ELFN1: variants seen among roughly 807,000 people sequenced by gnomAD.
ELFN1 encodes the protein protein ELFN1.
In ELFN1, 6 loss-of-function variants were observed where a neutral mutation model predicts 7.6. That is an observed-to-expected ratio of 0.79 (90% CI 0.43 to 1.56). ELFN1 has a LOEUF of 1.56. Ranked by LOEUF, ELFN1 falls within the 40% of genes most tolerant of loss-of-function variation. The pLI is 0.01. For synonymous variants in ELFN1, 657 were observed against 588.1 expected, an observed-to-expected ratio of 1.12 and a Z score of -1.70; for missense variants, 1,169 against 1,232.2, an observed-to-expected ratio of 0.95 and a Z score of 0.77.
intron 2 of ELFN1, chr7:1,693,199 T>C (rs1033339762): frequency 1.5e-5 from 6 of 391,776 alleles, no homozygotes; most frequent in Admixed American, 1.1e-4. Context: ...TAGTGGGCAG[T>C]GCAGGCCCTG....
At chr7:1,711,265 C>T (rs549513598) in intron 3 of ELFN1, among the ~76,000 whole-genome samples, 17 of 152,160 alleles carry the variant, frequency 1.1e-4, no homozygotes, top group Non-Finnish European at 2.4e-4. Flanking sequence ...AGACTGTGTT[C>T]CATGTGGGTC....
rs1780550803 is a variant in ELFN1, at chr7:1,739,591, AG to A, written c.-293-4711del. 1 of 153,768 alleles carries A rather than the reference AG, an allele frequency of 6.5e-6. No homozygotes were observed. The highest frequency in any genetic ancestry group is 6.5e-5 in the Admixed American group (1 of 15,284). The allele number at this position is 153,768 out of a possible 1,614,324, so 9.5% of individuals were successfully genotyped here. A position where few individuals can be genotyped will look rare whatever the true frequency, so the allele number is the denominator to read the frequency against. On this transcript the variant is annotated intron_variant, in intron 3 of 3. Transcript: ENST00000424383. This position sits in a 1 kb window ranked among gnomAD's most constrained non-coding sequence, Gnocchi z 4.6. Reference sequence around the variant, plus strand: ...ACCCCCTGGGAGAGCTGGGGAGAGGAGGCAGTGAGGACCGAGCCTGGCCTGG... The same window carrying A: ...ACCCCCTGGGAGAGCTGGGGAGAGGAGCAGTGAGGACCGAGCCTGGCCTGG...
At chr7:1,682,670 C>T (rs1218896899) in intron 1 of ELFN1, among the ~76,000 whole-genome samples, 3 of 150,748 alleles carry the variant, frequency 2.0e-5, no homozygotes, top group Non-Finnish European at 4.4e-5. Flanking sequence ...GTCTTGAACT[C>T]CTCTCCTCAA....
rs574129820 is a variant in ELFN1, at chr7:1,707,902, C to G, written c.-455-1189C>G. ...TACTCTGTCCCTGGAGCTGTGGGAG[C>G]GGGGCACAGGCAGACAGACAGACCG... On this transcript the variant is annotated intron_variant, in intron 2 of 3. Transcript: ENST00000424383. Among the ~76,000 whole-genome samples, 5 of 152,164 alleles carry G rather than the reference C, an allele frequency of 3.3e-5. No individual in the cohort carries two copies. The East Asian group carries it at 9.6e-4, about 29-fold the overall frequency.
rs1011750110 is a variant in ELFN1 at position 1,726,205 on chromosome 7, C to T, written c.-294+16953C>T. ...TGACCCCTCCTTGCCCTGTGGCCAC[C>T]GCACCCAAGCTCTGTCCCGGCCACT... is the stretch of plus-strand genomic sequence containing the variant. On this transcript the variant is annotated intron_variant, in intron 3 of 3. Coordinates refer to ENST00000424383, the MANE Select transcript of ELFN1 (RefSeq NM_001128636.4). Among the ~76,000 whole-genome samples, 10 of 152,160 alleles carry T rather than the reference C, an allele frequency of 6.6e-5. No homozygotes were observed. In the East Asian group the frequency reaches 1.4e-3, roughly 21 times the overall value.
intron 1 of ELFN1, among the ~76,000 whole-genome samples, chr7:1,679,297 G>A (rs376210139): frequency 6.6e-6 from 1 of 152,278 alleles, no homozygotes; most frequent in African/African-American, 2.4e-5. Context: ...CATAGCTACA[G>A]CCCAGGCCTG....
rs114141233 is a variant in ELFN1 at position 1,735,312 on chromosome 7, A to C, written c.-293-8992A>C. On this transcript the variant is annotated intron_variant, in intron 3 of 3. Coordinates refer to ENST00000424383, the MANE Select transcript of ELFN1 (RefSeq NM_001128636.4). This position sits in a 1 kb window ranked among gnomAD's most constrained non-coding sequence, Gnocchi z 5.9. ...TGAGTCGTGTGGATGGCCCAAGGTC[A>C]CATGGTAAGGTCGTCAGGCACTCGG... is the stretch of plus-strand genomic sequence containing the variant. 0.077 allele frequency among the ~76,000 whole-genome samples: 11,667 copies of C among 152,122 alleles called. 1,317 individuals are homozygous for C. Among genetic ancestry groups the C allele is most frequent in the African/African-American group, 0.25 (10,455 of 41,460 alleles).
intron 3 of ELFN1, among the ~76,000 whole-genome samples, chr7:1,729,748 A>T (rs1406335800): frequency 6.6e-6 from 1 of 152,234 alleles, no homozygotes; most frequent in Non-Finnish European, 1.5e-5. Flanking sequence ...GGTCGGCCCT[A>T]GTAGTCCTGC....
At chr7:1,698,914 C>T (rs551295244) in intron 2 of ELFN1, among the ~76,000 whole-genome samples, 1 of 152,322 alleles carries the variant, frequency 6.6e-6, no homozygotes, top group African/African-American at 2.4e-5. Context: ...TGTCACCAGC[C>T]CCAGAAGTCT....
chr7:1,742,980 C>A (rs1443638515), intron 3 of ELFN1, among the ~76,000 whole-genome samples: 1 of 152,226 alleles, frequency 6.6e-6, no homozygotes, highest in Non-Finnish European at 1.5e-5. Context: ...GACTGTAAAT[C>A]CACATATTAA....
chr7:1,671,341 G>C (rs1239305930), intron 1 of ELFN1, among the ~76,000 whole-genome samples: 3 of 152,168 alleles, frequency 2.0e-5, no homozygotes, highest in South Asian at 2.1e-4. Flanking sequence ...AGAAAGGGTC[G>C]AGGCCGGCCG....
chr7:1,669,165 G>A (rs936139702), upstream of ELFN1, among the ~76,000 whole-genome samples: 8 of 152,236 alleles, frequency 5.3e-5, no homozygotes, highest in Non-Finnish European at 8.8e-5. Flanking sequence ...GGCGTCGTGG[G>A]CGTTCATTCA....
chr7:1,706,867 C>A (rs767123160), intron 2 of ELFN1, among the ~76,000 whole-genome samples: 3 of 152,228 alleles, frequency 2.0e-5, no homozygotes, highest in Admixed American at 6.5e-5. Context: ...CAGGCTGTGC[C>A]CGAGGTGGTG....
At chr7:1,666,364 C>G (rs1433729493), upstream of ELFN1, among the ~76,000 whole-genome samples, 1 of 151,936 alleles carries the variant, frequency 6.6e-6, no homozygotes, top group Admixed American at 6.5e-5. This position sits in a 1 kb window ranked among gnomAD's most constrained non-coding sequence, Gnocchi z 7.9. Context: ...GCCCTGACCT[C>G]GGCGTCCGCG....
chr7:1,734,147 G>T (rs769110188), intron 3 of ELFN1, among the ~76,000 whole-genome samples: 36 of 152,184 alleles, frequency 2.4e-4, no homozygotes, highest in Admixed American at 3.9e-4. Flanking sequence ...GGGTTATGAG[G>T]GCGTGATGAG....
chr7:1,737,220 C>T (rs996996410), intron 3 of ELFN1, among the ~76,000 whole-genome samples: 2 of 152,190 alleles, frequency 1.3e-5, no homozygotes, highest in Non-Finnish European at 2.9e-5. Flanking sequence ...CCGTCTCGCA[C>T]ACCTCCCTAG....
chr7:1,731,630 G>A (rs565052125), intron 3 of ELFN1, among the ~76,000 whole-genome samples: 8 of 152,288 alleles, frequency 5.3e-5, no homozygotes, highest in African/African-American at 1.9e-4. Context: ...GACATATGCC[G>A]ATTTCGGATT....
intron 3 of ELFN1, among the ~76,000 whole-genome samples, chr7:1,736,071 G>A (rs1246197527): frequency 6.6e-6 from 1 of 152,238 alleles, no homozygotes. Flanking sequence ...GGTCACCGTG[G>A]CAGGCCTTGC....
chr7:1,724,715 C>T (rs1252149408), intron 3 of ELFN1, among the ~76,000 whole-genome samples: 2 of 152,206 alleles, frequency 1.3e-5, no homozygotes, highest in Non-Finnish European at 2.9e-5. Flanking sequence ...CGACTCCCCC[C>T]AGGGCCTGTC....
Sources: gnomAD v4.1 joint callset for allele counts (sites outside exome capture counted in the v4.1 genomes callset) on GRCh38, gnomAD v4.1.1 for gene constraint, Gnocchi (gnomAD v3.1) non-coding constraint, MANE v1.5 for transcripts, NCBI Gene and HGNC (gene_info 2026-07-23, HGNC 2026-07-21) for gene names.